The following DENND1A variants were observed in gnomAD, a reference collection of about 807,000 sequenced individuals.
DENND1A encodes the protein DENN domain-containing protein 1A.
DENND1A carries 51 observed loss-of-function variants against 113.7 expected under a neutral mutation model. That is an observed-to-expected ratio of 0.45 (90% CI 0.36 to 0.57). The LOEUF is 0.57. DENND1A is among the 20% of genes least tolerant of loss of function. The pLI, the probability that DENND1A is intolerant of heterozygous loss-of-function variation, is 0.00. For synonymous variants in DENND1A, 565 were observed against 570.8 expected (o/e 0.99, Z 0.14); for missense variants, 1,258 against 1,395.9 (o/e 0.90, Z 1.57).
chr9:123,503,333 T>C (rs1390087539), intron 13 of DENND1A, among the ~76,000 whole-genome samples: 1 of 152,030 alleles, frequency 6.6e-6, no homozygotes, highest in African/African-American at 2.4e-5. Flanking sequence ...TAGCTGGGAG[T>C]GTATTTAAGA....
intron 8 of DENND1A, among the ~76,000 whole-genome samples, chr9:123,656,063 A>G (rs916284225): frequency 6.6e-6 from 1 of 152,218 alleles, no homozygotes; most frequent in African/African-American, 2.4e-5. Flanking sequence ...CATGGCTGAG[A>G]AGCCTCACTC....
intron 2 of DENND1A, among the ~76,000 whole-genome samples, chr9:123,862,406 T>C (rs1845180638): frequency 1.3e-5 from 2 of 152,228 alleles, no homozygotes; most frequent in African/African-American, 4.8e-5. Context: ...GTTTCTATTT[T>C]CTTTGAGCTA....
intron 4 of DENND1A, among the ~76,000 whole-genome samples, chr9:123,762,791 G>T (rs924950034): frequency 5.9e-5 from 9 of 152,244 alleles, no homozygotes; most frequent in African/African-American, 2.2e-4. Flanking sequence ...GCCCTACTGA[G>T]ATAATGTGGT....
chr9:123,624,056 CCTGCTGGCAGT>C (rs1471248470), intron 10 of DENND1A, among the ~76,000 whole-genome samples: 1 of 152,194 alleles, frequency 6.6e-6, no homozygotes, highest in East Asian at 1.9e-4. Context: ...AGAAAGGGCA[CCTGCTGGCAGT>C]GAAAATGACT....
At chr9:123,683,194 GCA>G (rs980857118) in intron 5 of DENND1A, among the ~76,000 whole-genome samples, 1 of 152,174 alleles carries the variant, frequency 6.6e-6, no homozygotes, top group African/African-American at 2.4e-5. Flanking sequence ...CTGGATACCT[GCA>G]CAGAGTTGAG....
intron 5 of DENND1A, among the ~76,000 whole-genome samples, chr9:123,743,074 T>C (rs2069154696): frequency 6.6e-6 from 1 of 152,194 alleles, no homozygotes; most frequent in Non-Finnish European, 1.5e-5. Flanking sequence ...GTACCAAAGA[T>C]GTGCTATGCA....
chr9:123,426,741 G>A (rs1239625034), intron 19 of DENND1A, among the ~76,000 whole-genome samples: 2 of 152,208 alleles, frequency 1.3e-5, no homozygotes, highest in Non-Finnish European at 2.9e-5. Context: ...TTGCACCAAA[G>A]AAATTATTTA....
intron 10 of DENND1A, 54 bp downstream of exon 10, chr9:123,630,322 C>G (rs367763189): frequency 8.2e-7 from 1 of 1,221,418 alleles, no homozygotes; most frequent in African/African-American, 1.5e-5. Flanking sequence ...ACACCTAACA[C>G]GCCCAGTCAG....
intron 5 of DENND1A, among the ~76,000 whole-genome samples, chr9:123,749,430 T>G (rs1233657680): frequency 2.0e-5 from 3 of 152,224 alleles, no homozygotes; most frequent in African/African-American, 7.2e-5. Flanking sequence ...GTATAAATTT[T>G]GGGTTGGATT....
At chr9:123,560,459 G>A (rs2136105607) in intron 12 of DENND1A, among the ~76,000 whole-genome samples, 1 of 152,278 alleles carries the variant, frequency 6.6e-6, no homozygotes, top group South Asian at 2.1e-4. Flanking sequence ...AGCCAAGGCA[G>A]GAGGATCGTT....
chr9:123,583,308 A>C (rs2059011043), intron 11 of DENND1A, 38 bp from the exon 12 acceptor site: 1 of 1,515,082 alleles, frequency 6.6e-7, no homozygotes, highest in Admixed American at 1.7e-5. Flanking sequence ...AAGGTCATTG[A>C]GGTGCCATCA....
chr9:123,673,170 T>G (rs1333473411), intron 6 of DENND1A, among the ~76,000 whole-genome samples: 1 of 152,286 alleles, frequency 6.6e-6, no homozygotes, highest in African/African-American at 2.4e-5. Context: ...ATTAATTCAC[T>G]TGATATCTCT....
At chr9:123,775,087 TA>T (rs1470858626) in intron 3 of DENND1A, among the ~76,000 whole-genome samples, 2 of 152,202 alleles carry the variant, frequency 1.3e-5, no homozygotes, top group Non-Finnish European at 2.9e-5. Flanking sequence ...TGATATTATA[TA>T]ACATCCTCTA....
intron 2 of DENND1A, among the ~76,000 whole-genome samples, chr9:123,869,143 T>C (rs1846175467): frequency 6.6e-6 from 1 of 152,244 alleles, no homozygotes; most frequent in South Asian, 2.1e-4. Flanking sequence ...CTTTAAAGAA[T>C]ACAGTCACAC....
intron 13 of DENND1A, among the ~76,000 whole-genome samples, chr9:123,476,857 G>T (rs2049956216): frequency 6.6e-6 from 1 of 152,232 alleles, no homozygotes; most frequent in Admixed American, 6.5e-5. Context: ...ACATGGGCAG[G>T]ATTTAAACCG....
At chr9:123,731,621 GAAGAA>G (rs1471769207) in intron 5 of DENND1A, among the ~76,000 whole-genome samples, 1 of 152,116 alleles carries the variant, frequency 6.6e-6, no homozygotes, top group African/African-American at 2.4e-5. Flanking sequence ...AAAACTTTGA[GAAGAA>G]AAGATAGGAG....
intron 2 of DENND1A, among the ~76,000 whole-genome samples, chr9:123,848,228 TAAAAAAAAAAAAA>T (rs375535777): frequency 3.8e-4 from 23 of 60,500 alleles, no homozygotes; most frequent in South Asian, 6.5e-4. Flanking sequence ...GATACTGCTT[TAAAAAAAAAAAAA>T]AAAAAAAAAA....
chr9:123,529,398 C>CT (rs948756973), intron 13 of DENND1A, among the ~76,000 whole-genome samples: 11 of 152,260 alleles, frequency 7.2e-5, no homozygotes, highest in East Asian at 5.8e-4. Context: ...CAACAATAGA[C>CT]TTTTTTTATA....
chr9:123,486,930 G>A (rs551503788), intron 13 of DENND1A, among the ~76,000 whole-genome samples: 8 of 152,288 alleles, frequency 5.3e-5, no homozygotes, highest in Non-Finnish European at 1.2e-4. Context: ...GCCGACTGGA[G>A]GACTCCATCC....
Sources: gnomAD v4.1 joint callset for allele counts (sites outside exome capture counted in the v4.1 genomes callset) on GRCh38, gnomAD v4.1.1 for gene constraint, MANE v1.5 for transcripts, NCBI Gene and HGNC (gene_info 2026-07-23, HGNC 2026-07-21) for gene names.